The following BCAS1 variants were observed in gnomAD, a reference collection of about 807,000 sequenced individuals.
BCAS1 encodes brain enriched myelin associated protein 1.
Under a neutral mutation model 65.4 loss-of-function variants are expected in BCAS1, and 46 were observed. The ratio of observed to expected loss-of-function variants is 0.70; its 90% confidence interval spans 0.55 to 0.90. The LOEUF is 0.90. BCAS1 is among the 40% of genes least tolerant of loss of function. BCAS1 has a pLI of 0.00. For missense variants in BCAS1, 793 were observed against 771.2 expected, an observed-to-expected ratio of 1.03 and a Z score of -0.33; for synonymous variants, 298 against 293.5, an observed-to-expected ratio of 1.02 and a Z score of -0.16.
intron 7 of BCAS1, among the ~76,000 whole-genome samples, chr20:53,990,795 G>T (rs1293226079): frequency 6.6e-6 from 1 of 152,188 alleles, no homozygotes; most frequent in Non-Finnish European, 1.5e-5. Context: ...GAACATTTGG[G>T]AGGTGTCCCT....
chr20:54,006,592 C>T (rs562637486), intron 4 of BCAS1, among the ~76,000 whole-genome samples: 3 of 152,182 alleles, frequency 2.0e-5, no homozygotes, highest in Admixed American at 2.0e-4. Context: ...TGCCTGTAAT[C>T]CCAGCTACGG....
chr20:54,047,704 G>C (rs575568093), intron 3 of BCAS1, among the ~76,000 whole-genome samples: 41 of 139,470 alleles, frequency 2.9e-4, no homozygotes, highest in Non-Finnish European at 6.0e-4. Flanking sequence ...CCAGGTTCTT[G>C]GTGTTTTGAA....
chr20:54,058,594 T>TC, intron 2 of BCAS1, 53 bp downstream of exon 2: 1 of 328,260 alleles, frequency 3.0e-6, no homozygotes. Flanking sequence ...CAGGAAGTTC[T>TC]TTTTTTTTTT....
Position 53,953,487 on chromosome 20 carries a change from A to G in BCAS1, c.1760T>C (p.Leu587Pro). Residue 587 changes from leucine (L) to proline (P), a missense_variant, in exon 12 of 13, where the codon CTC becomes CCC. Coordinates refer to ENST00000688948, the MANE Select transcript of BCAS1 (RefSeq NM_001366298.2). Reference protein sequence around the residue: ...DTNSLQNGDKLQKRPEKRQQS... With the variant: ...DTNSLQNGDKPQKRPEKRQQS... ...CTGCCGCTTCTCAGGTCTCTTTTGG[A>G]GCTTGTCCCCATTCTGCAGTGAGTT... The G allele has an allele frequency of 6.2e-7, 1 of 1,613,904 alleles. No homozygotes were observed. The highest frequency in any genetic ancestry group is 1.3e-5 in the African/African-American group (1 of 74,976).
intron 8 of BCAS1, among the ~76,000 whole-genome samples, chr20:53,976,880 G>T (rs952179391): frequency 4.6e-5 from 7 of 152,188 alleles, no homozygotes; most frequent in African/African-American, 1.7e-4. Context: ...GAAAGCTTCT[G>T]ATTATCAGGA....
At chr20:53,961,834 C>T (rs974835531) in intron 10 of BCAS1, among the ~76,000 whole-genome samples, 1 of 152,270 alleles carries the variant, frequency 6.6e-6, no homozygotes, top group African/African-American at 2.4e-5. Context: ...GCTCCCGGAC[C>T]GTGGAAAAAT....
intron 4 of BCAS1, among the ~76,000 whole-genome samples, chr20:54,027,289 T>C (rs1403537675): frequency 6.6e-6 from 1 of 152,258 alleles, no homozygotes; most frequent in African/African-American, 2.4e-5. Flanking sequence ...GCCTTCATAA[T>C]GTAATTCTTC....
Position 53,943,675 on chromosome 20 carries a change from A to G in BCAS1, c.*1247T>C, listed in dbSNP as rs2089213546. On this transcript the variant is annotated 3_prime_UTR_variant, in exon 13 of 13. Coordinates refer to ENST00000688948, the MANE Select transcript of BCAS1 (RefSeq NM_001366298.2). Reference sequence around the variant, plus strand: ...CTATTTACTCCTTTGTACAGGTATTAAAAACAACTCAGGTATTTGAGAAGT... The same window carrying G: ...CTATTTACTCCTTTGTACAGGTATTGAAAACAACTCAGGTATTTGAGAAGT... The G allele has an allele frequency of 6.6e-6, 1 of 152,204 alleles. No individual in the cohort carries two copies. Among genetic ancestry groups the G allele is most frequent in the African/African-American group, 2.4e-5 (1 of 41,460 alleles). 9.4% of individuals were successfully genotyped at this position (152,204 alleles called of 1,614,324 possible). A position where few individuals can be genotyped will look rare whatever the true frequency, so the allele number is the denominator to read the frequency against.
chr20:53,946,480 G>A (rs1240307557), intron 12 of BCAS1, among the ~76,000 whole-genome samples: 1 of 142,952 alleles, frequency 7.0e-6, no homozygotes, highest in Non-Finnish European at 1.5e-5. Context: ...GGGTAGTACA[G>A]TATAAGATTT....
intron 8 of BCAS1, among the ~76,000 whole-genome samples, chr20:53,982,567 G>C (rs2090510469): frequency 6.6e-6 from 1 of 152,088 alleles, no homozygotes; most frequent in African/African-American, 2.4e-5. Context: ...AAAAATGAGA[G>C]AAGAAAGAGA....
intron 7 of BCAS1, among the ~76,000 whole-genome samples, chr20:53,988,344 CTT>C (rs1382294309): frequency 1.3e-5 from 2 of 152,198 alleles, no homozygotes; most frequent in African/African-American, 4.8e-5. Flanking sequence ...AGCCACCACC[CTT>C]TCTCTCTCTG....
chr20:53,988,334 AGCC>A (rs750755475), intron 7 of BCAS1, among the ~76,000 whole-genome samples: 3 of 152,198 alleles, frequency 2.0e-5, no homozygotes, highest in Non-Finnish European at 4.4e-5. Flanking sequence ...TTCACCGCTC[AGCC>A]ACCACCCTTT....
intron 4 of BCAS1, among the ~76,000 whole-genome samples, chr20:54,025,184 A>T (rs761623782): frequency 6.6e-6 from 1 of 152,026 alleles, no homozygotes; most frequent in Non-Finnish European, 1.5e-5. Context: ...CACAAACACA[A>T]CTCTGGAAGT....
At chr20:53,957,533 A>C in intron 10 of BCAS1, 36 bp from the exon 11 acceptor site, 3 of 1,582,186 alleles carry the variant, frequency 1.9e-6, no homozygotes, top group Non-Finnish European at 1.7e-6. Context: ...TTCAGCCACA[A>C]GTACAGTGAC....
rs974713901 is a variant in BCAS1, at chr20:54,035,753, G to A, written c.143-6781C>T. 1.3e-5 allele frequency among the ~76,000 whole-genome samples: 2 copies of A among 151,246 alleles called. 1 individual carries two copies. The highest frequency in any genetic ancestry group is 3.0e-5 in the Non-Finnish European group (2 of 67,590). On this transcript the variant is annotated intron_variant, in intron 3 of 12. Transcript: ENST00000688948. Reference sequence around the variant, plus strand: ...CATTCTTTTATAAAGATACATGCATGTGTATGTTCATTGCAGCACTATTCA... The same window carrying A: ...CATTCTTTTATAAAGATACATGCATATGTATGTTCATTGCAGCACTATTCA...
chr20:53,953,613 G>A lies in BCAS1; in HGVS notation c.1634C>T (p.Ser545Leu), dbSNP rs762197510. Reference sequence around the variant, plus strand: ...CTCGGCTGCTGACTTCTTGTCCTTCGAGGAGCCCTCTTTACCCTTCTGTGG... The same window carrying A: ...CTCGGCTGCTGACTTCTTGTCCTTCAAGGAGCCCTCTTTACCCTTCTGTGG... ...GAPQKGKEGSSKDKKSAAEMN... is the reference protein window; with the variant it reads ...GAPQKGKEGSLKDKKSAAEMN... Residue 545 changes from serine (S) to leucine (L), a missense_variant, in exon 12 of 13, where the codon TCG becomes TTG. Coordinates refer to ENST00000688948, the MANE Select transcript of BCAS1 (RefSeq NM_001366298.2). 8.7e-6 allele frequency: 14 copies of A among 1,613,614 alleles called. No individual in the cohort carries two copies. Among genetic ancestry groups the A allele is most frequent in the South Asian group, 3.3e-5 (3 of 91,060 alleles).
intron 4 of BCAS1, among the ~76,000 whole-genome samples, chr20:53,996,364 G>A (rs377108284): frequency 1.3e-5 from 2 of 149,232 alleles, no homozygotes; most frequent in Non-Finnish European, 3.0e-5. Flanking sequence ...GTAAGGTATC[G>A]ATATTTTCCA....
Position 53,953,645 on chromosome 20 carries a change from T to C in BCAS1, c.1602A>G (p.Thr534=), listed in dbSNP as rs777678017. The C allele has an allele frequency of 1.2e-5, 20 of 1,613,978 alleles. No homozygotes were observed. The highest frequency in any genetic ancestry group is 1.7e-5 in the Non-Finnish European group (20 of 1,180,000). ...CCTCTTTACCCTTCTGTGGTGCTCC[T>C]GTTGGTTCAGGCTCTGGCGGTGTGA... The part of the protein sequence containing the change: ...KTITPPEPEP[T]GAPQKGKEGS... Residue 534 remains threonine, a synonymous_variant, in exon 12 of 13, where the codon ACA becomes ACG. Coordinates refer to ENST00000688948, the MANE Select transcript of BCAS1 (RefSeq NM_001366298.2).
At chr20:54,026,898 T>C (rs1219583191) in intron 4 of BCAS1, among the ~76,000 whole-genome samples, 1 of 152,330 alleles carries the variant, frequency 6.6e-6, no homozygotes, top group South Asian at 2.1e-4. Context: ...GCATTGCAAT[T>C]GCAGGTTTAT....
Sources: allele counts gnomAD v4.1 joint callset (sites outside exome capture counted in the v4.1 genomes callset), GRCh38; gene constraint gnomAD v4.1.1; transcripts MANE v1.5; gene names NCBI Gene and HGNC (gene_info 2026-07-23, HGNC 2026-07-21).